The following MBD1 variants were observed in gnomAD, a reference collection of about 807,000 sequenced individuals.
MBD1 encodes methyl-CpG-binding domain protein 1.
A neutral mutation model predicts 82.6 loss-of-function variants in MBD1; 25 were observed. The ratio of observed to expected loss-of-function variants is 0.30; its 90% CI spans 0.22 to 0.42. The LOEUF (loss-of-function observed/expected upper bound fraction) is 0.42, where lower values mean the gene tolerates loss of function less well. Ranked by LOEUF, MBD1 falls within the 10% of genes least tolerant of loss-of-function variation. The probability of loss-of-function intolerance (pLI) is 1.00; values close to 1 mark genes in which losing one functional copy is unlikely to be tolerated. For synonymous variants in MBD1, 301 were observed against 303.7 expected (o/e 0.99, Z 0.09); for missense variants, 627 against 819.6 (o/e 0.76, Z 2.87).
In MBD1 at chr18:50,274,148, A is replaced by G. The variant is rs371886007; in HGVS notation, c.1146+38T>C. 254 of 1,612,292 alleles carry G rather than the reference A, an allele frequency of 1.6e-4. 1 individual carries two copies. In the African/African-American group the frequency reaches 3.1e-3, roughly 19 times the overall value. On this transcript the variant is annotated intron_variant, in intron 11 of 16. Transcript: ENST00000269468. ...TCCAGGCACTGGGGCGCCTGGCCCA[A>G]CCTATCCCGTCCACCTGACCCTTCC...
chr18:50,270,621 A>G, intron 16 of MBD1: 1 of 330,442 alleles, frequency 3.0e-6, no homozygotes, highest in Non-Finnish European at 6.0e-6. Flanking sequence ...GTGGGGAGAT[A>G]TATCCTGTAG....
chr18:50,281,413 T>C lies in MBD1; in HGVS notation c.-76A>G, dbSNP rs553386058. 11 of 631,876 alleles carry C rather than the reference T, an allele frequency of 1.7e-5. No individual in the cohort carries two copies. Among genetic ancestry groups the C allele is most frequent in the Admixed American group, 7.7e-5 (3 of 39,120 alleles). 39.1% of individuals were successfully genotyped at this position (631,876 alleles called of 1,614,324 possible). A position where few individuals can be genotyped will look rare whatever the true frequency, so the allele number is the denominator to read the frequency against. On this transcript the variant is annotated 5_prime_UTR_variant, in exon 1 of 17. The change abolishes an upstream ATG in the 5' untranslated region. Transcript: ENST00000269468. ...CCGCCACTCTAGGCCCGTGGACCCA[T>C]GGCGAGGGTCCCTCCTGCACCTCCC...
rs1282509795 is a variant in MBD1, at chr18:50,274,317, C to T, written c.1015G>A (p.Gly339Arg). ...CGCCGTAGGCAGGCTGCACAGGCCC[C>T]GCACTTGCGGTTCTGCCGGCGGTTC... The part of the protein sequence containing the change: ...YTNRRQNRKC[G>R]ACAACLRRMD... The change falls in exon 11 of 17, where the codon GGG becomes AGG. Residue 339 changes from glycine (G) to arginine (R), a missense_variant. By Grantham distance (125) the Gly-to-Arg change is moderately radical. Coordinates refer to ENST00000269468, the MANE Select transcript of MBD1 (RefSeq NM_015846.4). 1.9e-6 allele frequency: 3 copies of T among 1,613,684 alleles called. No individual in the cohort carries two copies. The highest frequency in any genetic ancestry group is 1.7e-6 in the Non-Finnish European group (2 of 1,179,966).
At chr18:50,269,960 C>G (rs747980074) in intron 16 of MBD1, 142 bp from the exon 17 acceptor site, 9 of 1,522,346 alleles carry the variant, frequency 5.9e-6, no homozygotes, top group Non-Finnish European at 8.1e-6. Flanking sequence ...TGGTTCTGCT[C>G]CTCTGATTGT....
chr18:50,274,919 G>A, intron 10 of MBD1, 58 bp downstream of exon 10: 8 of 1,570,414 alleles, frequency 5.1e-6, no homozygotes, highest in Non-Finnish European at 7.0e-6. Context: ...CTGCTTCTTT[G>A]AAGTTAACCA....
chr18:50,267,547 G>A (rs2034052733), downstream of MBD1: 1 of 1,318,238 alleles, frequency 7.6e-7, no homozygotes, highest in African/African-American at 1.5e-5. Flanking sequence ...CCAGTAACTG[G>A]TTTCTGAGAA....
At chr18:50,270,056 A>G in intron 16 of MBD1, 1 of 1,597,950 alleles carries the variant, frequency 6.3e-7, no homozygotes, top group Non-Finnish European at 8.5e-7. Context: ...TGTCAAAATT[A>G]CCAGAATACT....
intron 16 of MBD1, chr18:50,270,132 T>C (rs376054673): frequency 8.8e-6 from 14 of 1,598,374 alleles, no homozygotes; most frequent in Non-Finnish European, 1.2e-5. Flanking sequence ...TGACTAGGGC[T>C]GAACTAGTTA....
At chr18:50,268,738 G>A (rs1449785992), downstream of MBD1, 1 of 224,140 alleles carries the variant, frequency 4.5e-6, no homozygotes, top group African/African-American at 2.3e-5. Context: ...AGGGTCCTTG[G>A]AAAGAAGTGA....
chr18:50,271,310 T>A, intron 16 of MBD1, 159 bp downstream of exon 16: 1 of 1,516,954 alleles, frequency 6.6e-7, no homozygotes, highest in Non-Finnish European at 8.8e-7. Flanking sequence ...CCCGCTTACT[T>A]CTTCTAGAAG....
chr18:50,281,340 G>T lies in MBD1; in HGVS notation c.-26+23C>A, dbSNP rs919411558. ...CATCCTCCGCCTGAGCGCTCTCCAC[G>T]TCCAGCCCCAAGGCTGTCTCACCAG... is the stretch of plus-strand genomic sequence containing the variant. On this transcript the variant is annotated intron_variant, in intron 1 of 16. Coordinates refer to ENST00000269468, the MANE Select transcript of MBD1 (RefSeq NM_015846.4). 4.0e-6 allele frequency: 4 copies of T among 1,001,612 alleles called. No individual in the cohort carries two copies. In the African/African-American group the frequency reaches 6.3e-5, roughly 16 times the overall value. The allele number at this position is 1,001,612 out of a possible 1,614,324, so 62.0% of individuals were successfully genotyped here. A position where few individuals can be genotyped will look rare whatever the true frequency, so the allele number is the denominator to read the frequency against.
chr18:50,273,049 T>C, intron 13 of MBD1, 94 bp from the exon 14 acceptor site: 1 of 1,497,414 alleles, frequency 6.7e-7, no homozygotes, highest in South Asian at 1.1e-5. Context: ...TGACAAATCC[T>C]ACTTCCATCA....
chr18:50,278,036 T>C (rs779311798), intron 2 of MBD1, among the ~76,000 whole-genome samples: 7 of 152,212 alleles, frequency 4.6e-5, no homozygotes, highest in Admixed American at 3.3e-4. Context: ...CCGTGGATAG[T>C]ACCAAACCCT....
rs72923678 is a variant in MBD1, at chr18:50,269,647, G to C, written c.*204C>G. ...TGCATATTTAACTCTGTGAGGAAGG[G>C]CACCAGCTTCTTCTGCAGGACACCC... On this transcript the variant is annotated 3_prime_UTR_variant, in exon 17 of 17. Coordinates refer to ENST00000269468, the MANE Select transcript of MBD1 (RefSeq NM_015846.4). 2.7e-6 allele frequency: 2 copies of C among 745,424 alleles called. No individual in the cohort carries two copies. Among genetic ancestry groups the C allele is most frequent in the African/African-American group, 3.4e-5 (2 of 58,268 alleles). The allele number at this position is 745,424 out of a possible 1,614,324, so 46.2% of individuals were successfully genotyped here.
intron 6 of MBD1, 85 bp downstream of exon 6, chr18:50,276,293 C>T: frequency 7.3e-7 from 1 of 1,367,568 alleles, no homozygotes; most frequent in East Asian, 2.3e-5. Context: ...TCCTGTGGAC[C>T]CATCATCATC....
chr18:50,273,809 G>A lies in MBD1; in HGVS notation c.1201C>T (p.Pro401Ser), dbSNP rs125555. 20 of 1,613,584 alleles carry A rather than the reference G, an allele frequency of 1.2e-5. No individual in the cohort carries two copies. Among genetic ancestry groups the A allele is most frequent in the South Asian group, 1.1e-5 (1 of 91,084 alleles). Residue 401 changes from proline to serine, a missense_variant, in exon 12 of 17, where the codon CCA (proline) becomes TCA (serine). Pro to Ser is a moderately conservative substitution (Grantham distance 74). Transcript: ENST00000269468. ...GGCCTCTTTCGACGACGGTAAGGTG[G>A]GGGCGATCCTGCCCCATCCTCAGAC... ...SESEDGAGSP[P>S]PYRRRKRPSS...
chr18:50,276,769 G>A (rs1272912665), intron 4 of MBD1, 25 bp from the exon 5 acceptor site: 2 of 1,613,816 alleles, frequency 1.2e-6, no homozygotes, highest in Non-Finnish European at 1.7e-6. Context: ...GCAGGTGTGG[G>A]GCTCCAAGAG....
chr18:50,275,548 C>G (rs535747846), intron 8 of MBD1, 52 bp downstream of exon 8: 159 of 1,613,714 alleles, frequency 9.9e-5, no homozygotes, highest in Middle Eastern at 1.7e-4. Flanking sequence ...GAAGCAGAGG[C>G]AGCGACGATT....
At chr18:50,267,360 T>C, downstream of MBD1, 1 of 510,690 alleles carries the variant, frequency 2.0e-6, no homozygotes, top group South Asian at 2.9e-5. Context: ...AATAATTTTT[T>C]AAAACCTGTT....
Sources: allele counts gnomAD v4.1 joint callset (sites outside exome capture counted in the v4.1 genomes callset), GRCh38; gene constraint gnomAD v4.1.1; transcripts MANE v1.5; gene names NCBI Gene and HGNC (gene_info 2026-07-23, HGNC 2026-07-21).